The following RBKS variants were observed in gnomAD, a reference collection of about 807,000 sequenced individuals.
The protein encoded by RBKS is ribokinase.
A neutral mutation model predicts 33.9 loss-of-function variants in RBKS; 33 were observed. The observed-to-expected ratio is 0.97, with a 90% CI of 0.74 to 1.30. RBKS has a LOEUF of 1.30. Among genes scored for constraint, RBKS ranks in the 50% most tolerant of loss-of-function variants. RBKS has a pLI of 0.00. For missense variants in RBKS, 361 were observed against 392.6 expected (o/e 0.92, Z 0.68); for synonymous variants, 125 against 143.0 (o/e 0.87, Z 0.90).
Position 27,843,230 on chromosome 2 carries a change from G to A in RBKS, c.351C>T (p.Gly117=). Residue 117 remains glycine (G), a splice_region_variant and synonymous_variant, in exon 5 of 8, where the codon GGC becomes GGT. Coordinates refer to ENST00000302188, the MANE Select transcript of RBKS (RefSeq NM_022128.3). ...GTASIIVNNE[G]QNIIVIVAGA... The stretch of plus-strand genomic sequence containing the variant: ...CAGCCACTATGACAATGATATTCTG[G>A]CCTATAAAGAAATTCCACCTATTAT... 6.3e-7 allele frequency: 1 copy of A among 1,598,362 alleles called. No individual in the cohort carries two copies. The highest frequency in any genetic ancestry group is 8.5e-7 in the Non-Finnish European group (1 of 1,172,664).
intron 7 of RBKS, among the ~76,000 whole-genome samples, chr2:27,799,726 A>ACC (rs1677736918): frequency 1.3e-5 from 2 of 152,262 alleles, no homozygotes; most frequent in African/African-American, 4.8e-5. Flanking sequence ...CAACAGGGTC[A>ACC]GCCTTGCTGG....
chr2:27,883,251 GT>G (rs1363550905), intron 1 of RBKS, among the ~76,000 whole-genome samples: 6 of 149,920 alleles, frequency 4.0e-5, no homozygotes, highest in African/African-American at 1.5e-4. Flanking sequence ...CCAGGCTGGA[GT>G]GCAGTGGCAC....
chr2:27,843,306 C>CA, intron 4 of RBKS, 75 bp from the exon 5 acceptor site: 1 of 1,120,666 alleles, frequency 8.9e-7, no homozygotes, highest in African/African-American at 1.6e-5. Context: ...GTTATGAATA[C>CA]AATCGCCCTT....
chr2:27,802,975 T>C (rs1677830031), intron 7 of RBKS, among the ~76,000 whole-genome samples: 2 of 152,200 alleles, frequency 1.3e-5, no homozygotes, highest in African/African-American at 2.4e-5. Context: ...ATCTGAATTT[T>C]TCTTTTTCTT....
intron 1 of RBKS, among the ~76,000 whole-genome samples, chr2:27,882,772 T>C (rs1573081713): frequency 6.6e-6 from 1 of 152,328 alleles, no homozygotes; most frequent in Admixed American, 6.5e-5. Flanking sequence ...ATCATGTACT[T>C]TGCCAGAACA....
At chr2:27,830,413 G>A (rs1232799176) in intron 6 of RBKS, among the ~76,000 whole-genome samples, 3 of 151,852 alleles carry the variant, frequency 2.0e-5, no homozygotes, top group Non-Finnish European at 2.9e-5. Context: ...TTACAGGCAC[G>A]TGCCACCATG....
intron 7 of RBKS, among the ~76,000 whole-genome samples, chr2:27,783,763 C>T (rs537907264): frequency 1.1e-4 from 17 of 151,342 alleles, no homozygotes; most frequent in South Asian, 2.1e-4. Flanking sequence ...AAAAATTAGC[C>T]GGGCGAGGTG....
At chr2:27,819,180 A>G (rs530303011) in intron 7 of RBKS, among the ~76,000 whole-genome samples, 1 of 152,254 alleles carries the variant, frequency 6.6e-6, no homozygotes, top group East Asian at 1.9e-4. Flanking sequence ...TGGGAAGTCC[A>G]AGATCAAGGT....
chr2:27,853,159 A>G (rs1263362890), intron 2 of RBKS, among the ~76,000 whole-genome samples: 4 of 151,982 alleles, frequency 2.6e-5, no homozygotes, highest in Non-Finnish European at 4.4e-5. Context: ...CGAGGACAGG[A>G]GTTCGAGACC....
At chr2:27,823,689 G>A (rs1678259719) in intron 7 of RBKS, among the ~76,000 whole-genome samples, 1 of 152,136 alleles carries the variant, frequency 6.6e-6, no homozygotes, top group South Asian at 2.1e-4. Flanking sequence ...ATGAGAGGAC[G>A]AAGACAGCAT....
chr2:27,806,902 G>A (rs1677908224), intron 7 of RBKS, among the ~76,000 whole-genome samples: 1 of 152,168 alleles, frequency 6.6e-6, no homozygotes, highest in Non-Finnish European at 1.5e-5. Context: ...GACTTCCCAG[G>A]TGATGCCGAT....
intron 1 of RBKS, among the ~76,000 whole-genome samples, chr2:27,877,658 C>T (rs1002918358): frequency 3.9e-5 from 6 of 152,082 alleles, no homozygotes; most frequent in Non-Finnish European, 8.8e-5. Context: ...CCTTCTAGGT[C>T]TTGTCAATGT....
At chr2:27,879,332 C>A (rs1573079879) in intron 1 of RBKS, among the ~76,000 whole-genome samples, 1 of 152,212 alleles carries the variant, frequency 6.6e-6, no homozygotes, top group East Asian at 1.9e-4. Context: ...CTCCTAAACT[C>A]CTGTTGAAAT....
chr2:27,864,064 T>C (rs2148222427), intron 1 of RBKS, among the ~76,000 whole-genome samples: 1 of 152,318 alleles, frequency 6.6e-6, no homozygotes. Flanking sequence ...TCTTGCTCTG[T>C]TGCCCAGGCT....
chr2:27,875,740 G>A (rs1349616836), intron 1 of RBKS, among the ~76,000 whole-genome samples: 1 of 152,080 alleles, frequency 6.6e-6, no homozygotes, highest in Non-Finnish European at 1.5e-5. Context: ...GTATCTCTAC[G>A]TAACAGAGTA....
intron 7 of RBKS, among the ~76,000 whole-genome samples, chr2:27,793,969 G>A (rs1368977773): frequency 6.6e-6 from 1 of 152,112 alleles, no homozygotes; most frequent in African/African-American, 2.4e-5. Context: ...CAAATTTTCT[G>A]TAAGTTTTAC....
intron 7 of RBKS, among the ~76,000 whole-genome samples, chr2:27,822,487 C>G (rs2148199934): frequency 6.6e-6 from 1 of 152,280 alleles, no homozygotes; most frequent in Admixed American, 6.5e-5. Flanking sequence ...TGGCCGCGGG[C>G]CAGACCCCAG....
intron 1 of RBKS, among the ~76,000 whole-genome samples, chr2:27,868,054 T>C (rs1407646007): frequency 1.3e-5 from 2 of 152,240 alleles, no homozygotes; most frequent in East Asian, 3.8e-4. Flanking sequence ...CAATTAATTA[T>C]AGTAAATTTT....
At chr2:27,844,213 T>G (rs1663570410) in intron 4 of RBKS, among the ~76,000 whole-genome samples, 1 of 150,090 alleles carries the variant, frequency 6.7e-6, no homozygotes, top group Non-Finnish European at 1.5e-5. Context: ...TGACCTGAGA[T>G]TGTGTCATTG....
Sources: gnomAD v4.1 joint callset for allele counts (sites outside exome capture counted in the v4.1 genomes callset) on GRCh38, gnomAD v4.1.1 for gene constraint, MANE v1.5 for transcripts, NCBI Gene and HGNC (gene_info 2026-07-23, HGNC 2026-07-21) for gene names.